CEP126: variants seen among roughly 807,000 people sequenced by gnomAD.
The protein encoded by CEP126 is centrosomal protein of 126 kDa.
A neutral mutation model predicts 107.8 loss-of-function variants in CEP126; 74 were observed. The ratio of observed to expected loss-of-function variants is 0.69; its 90% CI spans 0.57 to 0.83. The LOEUF (loss-of-function observed/expected upper bound fraction) is 0.83. CEP126 is among the 40% of genes least tolerant of loss of function. CEP126 has a pLI of 0.00. For missense variants in CEP126, 1,237 were observed against 1,281.9 expected (o/e 0.96, Z 0.53); for synonymous variants, 449 against 446.0 (o/e 1.01, Z -0.08).
At chr11:101,956,430 C>T (rs754772881) in intron 4 of CEP126, 19 of 456,392 alleles carry the variant, frequency 4.2e-5, no homozygotes, top group South Asian at 2.9e-4. Context: ...CAATCTGTTC[C>T]ACAAGCCACA....
Position 101,997,592 on chromosome 11 carries a change from T to C in CEP126, c.3310-7T>C. On this transcript the variant is annotated splice_polypyrimidine_tract_variant and splice_region_variant and intron_variant, in intron 10 of 10. Transcript: ENST00000263468. ...TTGCATGCTTGTTTCTTCTTTCTGA[T>C]TTCCAGGAGAAGAGAGAAGATAGAA... is the stretch of plus-strand genomic sequence containing the variant. 5 of 1,614,046 alleles carry C rather than the reference T, an allele frequency of 3.1e-6. No individual in the cohort carries two copies. Among genetic ancestry groups the C allele is most frequent in the East Asian group, 2.2e-5 (1 of 44,872 alleles).
At chr11:101,995,036 C>G (rs1329016354) in intron 10 of CEP126, among the ~76,000 whole-genome samples, 3 of 152,144 alleles carry the variant, frequency 2.0e-5, no homozygotes, top group African/African-American at 7.2e-5. Context: ...CCCTCCACCC[C>G]CGACAGGCCC....
chr11:101,953,367 A>G (rs1940838590), intron 4 of CEP126, among the ~76,000 whole-genome samples: 1 of 152,162 alleles, frequency 6.6e-6, no homozygotes, highest in Non-Finnish European at 1.5e-5. Context: ...AGTTAACTCA[A>G]AGTTGAATTG....
At chr11:101,950,847 G>A (rs1046040358) in intron 4 of CEP126, among the ~76,000 whole-genome samples, 1 of 152,240 alleles carries the variant, frequency 6.6e-6, no homozygotes, top group Non-Finnish European at 1.5e-5. Context: ...AAGTGAGTGT[G>A]AACTTTATCC....
rs1565360828 is a variant in CEP126 at position 101,961,517 on chromosome 11, T to G, written c.706-224T>G. ...GAATAAGCAGGTATTACTTTAGGAG[T>G]TGAAATCAAAGCAAGCATACTATAC... On this transcript the variant is annotated intron_variant, in intron 5 of 10. Coordinates refer to ENST00000263468, the MANE Select transcript of CEP126 (RefSeq NM_020802.4). Among the ~76,000 whole-genome samples the G allele has an allele frequency of 2.0e-5, 3 of 151,992 alleles. No individual in the cohort carries two copies. The East Asian group carries it at 5.8e-4, about 29-fold the overall frequency.
intron 2 of CEP126, among the ~76,000 whole-genome samples, chr11:101,929,043 G>A (rs374815089): frequency 1.6e-4 from 25 of 152,124 alleles, no homozygotes; most frequent in East Asian, 7.7e-4. Context: ...CAGTTGTTGC[G>A]TTTTTTAATT....
At chr11:101,951,594 GAGAATAGAC>G (rs887737999) in intron 4 of CEP126, among the ~76,000 whole-genome samples, 12 of 151,868 alleles carry the variant, frequency 7.9e-5, no homozygotes, top group African/African-American at 2.9e-4. Context: ...ACAAGAATTG[GAGAATAGAC>G]AGAATAGAAG....
At chr11:101,990,317 G>A (rs977995250) in intron 9 of CEP126, among the ~76,000 whole-genome samples, 7 of 152,144 alleles carry the variant, frequency 4.6e-5, no homozygotes, top group East Asian at 1.9e-4. Flanking sequence ...GGCATGAAGC[G>A]CCCCCCATAC....
chr11:101,995,426 C>A (rs537601572), intron 10 of CEP126, among the ~76,000 whole-genome samples: 66 of 152,270 alleles, frequency 4.3e-4, no homozygotes, highest in East Asian at 3.9e-4. Flanking sequence ...TGGGTCATAC[C>A]TGAGGGCAGC....
chr11:101,928,925 T>G (rs1443181680), intron 2 of CEP126, among the ~76,000 whole-genome samples: 2 of 152,216 alleles, frequency 1.3e-5, no homozygotes. Context: ...AAATTATTGC[T>G]GAGAGTTTCA....
chr11:101,951,647 T>A (rs1940814577), intron 4 of CEP126, among the ~76,000 whole-genome samples: 1 of 151,954 alleles, frequency 6.6e-6, no homozygotes, highest in Non-Finnish European at 1.5e-5. Context: ...AAAGAATAGA[T>A]GAGTTTGGTA....
At chr11:101,968,584 G>A (rs1047471827) in intron 6 of CEP126, among the ~76,000 whole-genome samples, 2 of 152,122 alleles carry the variant, frequency 1.3e-5, no homozygotes, top group Non-Finnish European at 2.9e-5. Context: ...AAGTTATAAA[G>A]CCTGAATGAA....
chr11:101,979,364 C>G (rs1192957289), intron 7 of CEP126, among the ~76,000 whole-genome samples: 1 of 152,126 alleles, frequency 6.6e-6, no homozygotes, highest in Non-Finnish European at 1.5e-5. Flanking sequence ...GAATATGCTC[C>G]TAATAACGGT....
intron 2 of CEP126, among the ~76,000 whole-genome samples, chr11:101,942,320 C>G (rs1940676565): frequency 6.6e-6 from 1 of 151,926 alleles, no homozygotes; most frequent in Non-Finnish European, 1.5e-5. Flanking sequence ...AGGTAAGAGT[C>G]CAACTATATT....
At chr11:101,991,980 G>C (rs1176207263) in intron 9 of CEP126, among the ~76,000 whole-genome samples, 1 of 152,058 alleles carries the variant, frequency 6.6e-6, no homozygotes, top group Non-Finnish European at 1.5e-5. Flanking sequence ...GGTGAAGGAA[G>C]GAAATGAAAT....
Position 101,997,661 on chromosome 11 carries a change from TAAG to T in CEP126, c.*23_*25del, listed in dbSNP as rs755771037. 8 of 1,613,730 alleles carry T rather than the reference TAAG, an allele frequency of 5.0e-6. No individual in the cohort carries two copies. The highest frequency in any genetic ancestry group is 2.7e-5 in the African/African-American group (2 of 74,930). On this transcript the variant is annotated 3_prime_UTR_variant, in exon 11 of 11. Transcript: ENST00000263468. ...AGAGATAATTCCAGCAGAATCCGTC[TAAG>T]AAGACCTTTCATGTACTTCCCTAGG... is the stretch of plus-strand genomic sequence containing the variant.
rs1207841818 is a variant in CEP126 at position 101,978,413 on chromosome 11, G to T, written c.2912G>T (p.Arg971Ile). 6.2e-7 allele frequency: 1 copy of T among 1,613,544 alleles called. No individual in the cohort carries two copies. The highest frequency in any genetic ancestry group is 8.5e-7 in the Non-Finnish European group (1 of 1,179,660). Reference sequence around the variant, plus strand: ...CGGAGAAATATTTTAGAGCAGAAAAGACAAAACCCTGGATCTGTAGGACAG... The same window carrying T: ...CGGAGAAATATTTTAGAGCAGAAAATACAAAACCCTGGATCTGTAGGACAG... The part of the protein sequence containing the change: ...TKRRNILEQK[R>I]QNPGSVGQKY... The change falls in exon 7 of 11, where the codon AGA becomes ATA. Residue 971 changes from arginine to isoleucine, a missense_variant. By Grantham distance (97) the Arg-to-Ile change is moderately conservative (BLOSUM62 -3). Coordinates refer to ENST00000263468, the MANE Select transcript of CEP126 (RefSeq NM_020802.4).
chr11:101,946,701 A>C (rs10895227), intron 3 of CEP126, among the ~76,000 whole-genome samples: 8,452 of 151,900 alleles, frequency 0.056, 453 homozygotes, highest in East Asian at 0.26. Flanking sequence ...CTCTACTAAA[A>C]ATACAAAAGT....
intron 2 of CEP126, among the ~76,000 whole-genome samples, chr11:101,942,964 G>A (rs1160518963): frequency 6.6e-6 from 1 of 151,922 alleles, no homozygotes; most frequent in Non-Finnish European, 1.5e-5. Context: ...TTTGTATCCT[G>A]CAACTTTGCT....
Sources: gnomAD v4.1 joint callset for allele counts (sites outside exome capture counted in the v4.1 genomes callset) on GRCh38, gnomAD v4.1.1 for gene constraint, MANE v1.5 for transcripts, NCBI Gene and HGNC (gene_info 2026-07-23, HGNC 2026-07-21) for gene names.